The following VEPH1 variants were observed in gnomAD, a reference collection of about 807,000 sequenced individuals.
VEPH1 encodes ventricular zone expressed PH domain containing 1.
A neutral mutation model predicts 85.2 loss-of-function variants in VEPH1; 80 were observed. That is an observed-to-expected ratio of 0.94 (90% CI 0.78 to 1.13). The LOEUF is 1.13. VEPH1 is among the 50% of genes most tolerant of loss of function. The probability of loss-of-function intolerance (pLI) is 0.00; values close to 1 mark genes in which losing one functional copy is unlikely to be tolerated. For synonymous variants in VEPH1, 297 were observed against 348.0 expected, an observed-to-expected ratio of 0.85 and a Z score of 1.63; for missense variants, 955 against 980.5, an observed-to-expected ratio of 0.97 and a Z score of 0.35.
intron 4 of VEPH1, among the ~76,000 whole-genome samples, chr3:157,434,155 A>G (rs1733375042): frequency 6.6e-6 from 1 of 152,082 alleles, no homozygotes; most frequent in South Asian, 2.1e-4. Flanking sequence ...TACTGATATT[A>G]CTACTGCTAT....
At chr3:157,388,957 A>G (rs2108904695) in intron 6 of VEPH1, among the ~76,000 whole-genome samples, 1 of 152,234 alleles carries the variant, frequency 6.6e-6, no homozygotes, top group South Asian at 2.1e-4. Flanking sequence ...CATATATAAT[A>G]TGTTGATTCT....
chr3:157,418,016 C>A (rs1010568363), intron 5 of VEPH1, among the ~76,000 whole-genome samples: 2 of 152,138 alleles, frequency 1.3e-5, no homozygotes, highest in Non-Finnish European at 2.9e-5. Context: ...CTCTTCTAGG[C>A]CACCTCTCAA....
intron 11 of VEPH1, among the ~76,000 whole-genome samples, chr3:157,287,803 G>A (rs1716973525): frequency 6.6e-6 from 1 of 152,170 alleles, no homozygotes. Flanking sequence ...GATCTCAAGT[G>A]ATCCACCTTC....
chr3:157,465,347 A>T (rs16827688), intron 3 of VEPH1, among the ~76,000 whole-genome samples: 2 of 152,164 alleles, frequency 1.3e-5, no homozygotes, highest in East Asian at 1.9e-4. Flanking sequence ...CTTGTTAGAA[A>T]GCATCCAGTG....
At chr3:157,355,251 A>C (rs1380761479) in intron 9 of VEPH1, among the ~76,000 whole-genome samples, 1 of 152,214 alleles carries the variant, frequency 6.6e-6, no homozygotes, top group African/African-American at 2.4e-5. Context: ...AGCAGAGTCC[A>C]TGTCTATTCT....
intron 10 of VEPH1, chr3:157,315,942 A>G (rs1720705940): frequency 6.6e-6 from 1 of 152,108 alleles, no homozygotes; most frequent in Non-Finnish European, 1.5e-5. Context: ...AAAGACAGTC[A>G]ATGCTGTTCT....
chr3:157,442,519 C>G, intron 4 of VEPH1: 8 of 1,614,112 alleles, frequency 5.0e-6, no homozygotes, highest in Non-Finnish European at 6.8e-6. Context: ...TCCTATGGCA[C>G]AAAGAGGAAT....
rs912880011 is a variant in VEPH1, at chr3:157,493,305, T to C, written c.138+1907A>G. ...CCTGTTCTACGTTTCTGAAGAGAAATTGAGAAGTGGAATTGATTACTGAGA... is the reference window on the plus strand; with the variant it reads ...CCTGTTCTACGTTTCTGAAGAGAAACTGAGAAGTGGAATTGATTACTGAGA... On this transcript the variant is annotated intron_variant, in intron 2 of 13. Coordinates refer to ENST00000362010, the MANE Select transcript of VEPH1 (RefSeq NM_001167912.2). The C allele has an allele frequency of 4.6e-5, 21 of 455,994 alleles. No homozygotes were observed. The Admixed American group carries it at 4.9e-4, about 11-fold the overall frequency. The allele number at this position is 455,994 out of a possible 1,614,324, so 28.2% of individuals were successfully genotyped here. A position where few individuals can be genotyped will look rare whatever the true frequency, so the allele number is the denominator to read the frequency against.
At chr3:157,496,859 A>G (rs536966802) in intron 1 of VEPH1, among the ~76,000 whole-genome samples, 19 of 152,276 alleles carry the variant, frequency 1.2e-4, no homozygotes, top group African/African-American at 4.6e-4. Flanking sequence ...TAAGGAAAAT[A>G]CTCTCTATAT....
chr3:157,287,252 G>A (rs1716896611), intron 11 of VEPH1, among the ~76,000 whole-genome samples: 1 of 152,082 alleles, frequency 6.6e-6, no homozygotes, highest in South Asian at 2.1e-4. Context: ...GTATATGCCT[G>A]TGGTCCCAGC....
intron 2 of VEPH1, among the ~76,000 whole-genome samples, chr3:157,482,241 T>C (rs1331592031): frequency 6.9e-6 from 1 of 144,746 alleles, no homozygotes; most frequent in Non-Finnish European, 1.5e-5. Context: ...TTGTTCATTT[T>C]AAGACAGAGT....
intron 9 of VEPH1, among the ~76,000 whole-genome samples, chr3:157,336,803 T>A (rs1014990385): frequency 6.6e-6 from 1 of 152,154 alleles, no homozygotes; most frequent in African/African-American, 2.4e-5. Flanking sequence ...TTAAACAAAG[T>A]TTTATTGGAA....
intron 11 of VEPH1, among the ~76,000 whole-genome samples, chr3:157,294,765 T>G (rs897546854): frequency 6.6e-6 from 1 of 152,192 alleles, no homozygotes; most frequent in Non-Finnish European, 1.5e-5. Flanking sequence ...TTGAACAAAT[T>G]TTACTGAAAC....
At chr3:157,292,009 T>G (rs1717534481) in intron 11 of VEPH1, among the ~76,000 whole-genome samples, 1 of 152,194 alleles carries the variant, frequency 6.6e-6, no homozygotes. Context: ...ATTTAACAAG[T>G]TTTTAGAATA....
intron 6 of VEPH1, among the ~76,000 whole-genome samples, chr3:157,405,879 T>A (rs557323037): frequency 6.6e-6 from 1 of 152,274 alleles, no homozygotes; most frequent in South Asian, 2.1e-4. Context: ...CTTTCTCTCC[T>A]CTGTGTCCCC....
At chr3:157,480,159 A>G (rs1737899432) in intron 2 of VEPH1, among the ~76,000 whole-genome samples, 1 of 148,804 alleles carries the variant, frequency 6.7e-6, no homozygotes, top group South Asian at 2.1e-4. Context: ...TGGATGGATA[A>G]AAGTGTCTGA....
intron 9 of VEPH1, 114 bp downstream of exon 9, chr3:157,363,250 A>G (rs1726252843): frequency 1.3e-5 from 13 of 982,478 alleles, no homozygotes; most frequent in Middle Eastern, 2.3e-4. Context: ...AAAAAAAATG[A>G]TCTATTTTGC....
chr3:157,363,059 C>T (rs571628763), intron 9 of VEPH1, among the ~76,000 whole-genome samples: 2 of 152,178 alleles, frequency 1.3e-5, no homozygotes, highest in African/African-American at 4.8e-5. Flanking sequence ...GGGTCACAGA[C>T]CTCTTTCCAG....
chr3:157,282,855 C>T (rs1221220409), intron 12 of VEPH1, among the ~76,000 whole-genome samples: 1 of 152,210 alleles, frequency 6.6e-6, no homozygotes, highest in African/African-American at 2.4e-5. Context: ...TCCATTCTCT[C>T]ATTCATGTGG....
Sources: allele counts gnomAD v4.1 joint callset (sites outside exome capture counted in the v4.1 genomes callset), GRCh38; gene constraint gnomAD v4.1.1; transcripts MANE v1.5; gene names NCBI Gene and HGNC (gene_info 2026-07-23, HGNC 2026-07-21).